The following FAM171B variants were observed in gnomAD, a reference collection of about 807,000 sequenced individuals.
The protein encoded by FAM171B is protein FAM171B.
Under a neutral mutation model 75.6 loss-of-function variants are expected in FAM171B, and 19 were observed. The ratio of observed to expected loss-of-function variants is 0.25; its 90% CI spans 0.18 to 0.37. The LOEUF (loss-of-function observed/expected upper bound fraction) is 0.37. FAM171B is among the 10% of genes least tolerant of loss of function. The pLI is 1.00. For synonymous variants in FAM171B, 367 were observed against 361.7 expected, an observed-to-expected ratio of 1.01 and a Z score of -0.17; for missense variants, 848 against 982.4, an observed-to-expected ratio of 0.86 and a Z score of 1.83.
chr2:186,701,379 C>T (rs374644820), intron 1 of FAM171B, among the ~76,000 whole-genome samples: 66 of 152,284 alleles, frequency 4.3e-4, no homozygotes, highest in African/African-American at 1.4e-3. Flanking sequence ...AACCTACTCT[C>T]ACCAAATTTC....
chr2:186,704,931 T>A (rs958076007), intron 1 of FAM171B, among the ~76,000 whole-genome samples: 3 of 152,186 alleles, frequency 2.0e-5, no homozygotes, highest in African/African-American at 7.2e-5. Context: ...TTTGCCCCCA[T>A]GTATATGTAA....
intron 1 of FAM171B, among the ~76,000 whole-genome samples, chr2:186,737,365 C>CT (rs1228897607): frequency 1.3e-5 from 2 of 151,250 alleles, no homozygotes; most frequent in Non-Finnish European, 3.0e-5. Flanking sequence ...TTTTCTTTCT[C>CT]TTTTTTTAGG....
In FAM171B at chr2:186,764,972, G is replaced by T. The variant is rs1690677881; in HGVS notation, c.*2149G>T. 1 of 151,880 alleles carries T rather than the reference G, an allele frequency of 6.6e-6. No individual in the cohort carries two copies. The highest frequency in any genetic ancestry group is 2.1e-4 in the South Asian group (1 of 4,818). 9.4% of individuals were successfully genotyped at this position (151,880 alleles called of 1,614,324 possible). A position where few individuals can be genotyped will look rare whatever the true frequency, so the allele number is the denominator to read the frequency against. Reference sequence around the variant, plus strand: ...TGCCACTTATTTTATTCATTTTTGTGTAAGGGAAATGAGATGATGTATCCC... The same window carrying T: ...TGCCACTTATTTTATTCATTTTTGTTTAAGGGAAATGAGATGATGTATCCC... On this transcript the variant is annotated 3_prime_UTR_variant, in exon 8 of 8. Transcript: ENST00000304698.
chr2:186,761,282 C>A, intron 7 of FAM171B, 46 bp downstream of exon 7: 2 of 1,604,270 alleles, frequency 1.2e-6, no homozygotes, highest in South Asian at 2.3e-5. Context: ...GTTATGGTAT[C>A]ATTTCAGTAT....
intron 1 of FAM171B, among the ~76,000 whole-genome samples, chr2:186,738,063 G>A (rs1209441046): frequency 6.6e-6 from 1 of 152,236 alleles, no homozygotes; most frequent in Non-Finnish European, 1.5e-5. Context: ...GGTGATCCAT[G>A]TTTAGAGATG....
rs1445952314 is a variant in FAM171B, at chr2:186,696,456, T to TAA, written c.238+2045_238+2046insAA. Among the ~76,000 whole-genome samples the TAA allele has an allele frequency of 2.5e-3, 140 of 57,006 alleles. 1 individual carries two copies. In the South Asian group the frequency reaches 0.047, roughly 19 times the overall value. 37.4% of individuals were successfully genotyped at this position (57,006 alleles called of 152,430 possible). ...GTTCTCCTCACACAGCTAGCGATCTTTAAAAAAAAAAAAAACATTAAATAG... is the reference window on the plus strand; with the variant it reads ...GTTCTCCTCACACAGCTAGCGATCTTAATAAAAAAAAAAAAAACATTAAATAG... On this transcript the variant is annotated intron_variant, in intron 1 of 7. Coordinates refer to ENST00000304698, the MANE Select transcript of FAM171B (RefSeq NM_177454.4).
In FAM171B at chr2:186,762,859, G is replaced by GT. The variant is rs767313210; in HGVS notation, c.*39dup. The stretch of plus-strand genomic sequence containing the variant: ...GATTGTGTGTCTGCTGTCTCGTGCT[G>GT]TTTATTCTTGCTTCTTGTTGTAAAT... On this transcript the variant is annotated 3_prime_UTR_variant, in exon 8 of 8. Coordinates refer to ENST00000304698, the MANE Select transcript of FAM171B (RefSeq NM_177454.4). The surrounding 1 kb of genome is among the most constrained non-coding windows in gnomAD (Gnocchi z 4.0). The GT allele has an allele frequency of 5.8e-6, 9 of 1,561,662 alleles. No individual in the cohort carries two copies.
Position 186,694,198 on chromosome 2 carries a change from C to A in FAM171B, c.25C>A (p.Pro9Thr). 6.2e-7 allele frequency: 1 copy of A among 1,605,648 alleles called. No individual in the cohort carries two copies. Among genetic ancestry groups the A allele is most frequent in the African/African-American group, 1.3e-5 (1 of 75,040 alleles). Residue 9 changes from proline (P) to threonine (T), a missense_variant, in exon 1 of 8, where the codon CCC becomes ACC. Physicochemically the swap from Pro to Thr is conservative, Grantham distance 38. Coordinates refer to ENST00000304698, the MANE Select transcript of FAM171B (RefSeq NM_177454.4). ...CATGGCGAGGCTCTGCCGGCGTGTC[C>A]CCTGCACCCTGCTTCTCGGCCTGGC... is the stretch of plus-strand genomic sequence containing the variant. MARLCRRV[P>T]CTLLLGLAVV... is the part of the protein sequence containing the mutation.
chr2:186,743,510 T>A lies in FAM171B; in HGVS notation c.500T>A (p.Phe167Tyr). ...TATTCATCAGTTACACTTTCACTGT[T>A]CCCGCAAAGCCAAGCAAATATATGG... is the stretch of plus-strand genomic sequence containing the variant. Reference protein sequence around the residue: ...PIYSSVTLSLFPQSQANIWLF... With the variant: ...PIYSSVTLSLYPQSQANIWLF... Residue 167 changes from phenylalanine to tyrosine, a missense_variant, in exon 3 of 8, where the codon TTC (phenylalanine) becomes TAC (tyrosine). Physicochemically the swap from Phe to Tyr is conservative, Grantham distance 22. Transcript: ENST00000304698. 6.2e-7 allele frequency: 1 copy of A among 1,612,712 alleles called. No homozygotes were observed. The highest frequency in any genetic ancestry group is 8.5e-7 in the Non-Finnish European group (1 of 1,178,866).
chr2:186,751,438 T>C (rs1373921298), intron 5 of FAM171B, 134 bp downstream of exon 5: 3 of 682,014 alleles, frequency 4.4e-6, no homozygotes, highest in East Asian at 2.9e-5. Context: ...GTGACCAAAA[T>C]TGACTTCACT....
At chr2:186,709,101 G>T (rs1263344225) in intron 1 of FAM171B, among the ~76,000 whole-genome samples, 2 of 152,020 alleles carry the variant, frequency 1.3e-5, no homozygotes, top group African/African-American at 4.8e-5. Context: ...CCGAGAGAGA[G>T]AGAGTGGGAG....
At chr2:186,759,151 A>AGT (rs1690578697) in intron 6 of FAM171B, among the ~76,000 whole-genome samples, 1 of 152,164 alleles carries the variant, frequency 6.6e-6, no homozygotes. Context: ...ATGGTTGAAT[A>AGT]GTACTCCATT....
chr2:186,763,028 G>A lies in FAM171B; in HGVS notation c.*205G>A, dbSNP rs1690646350. On this transcript the variant is annotated 3_prime_UTR_variant, in exon 8 of 8. Transcript: ENST00000304698. ...GCCTATTCATTTATTTTTGGGTGAT[G>A]AATTTACAGTATCTAAGTTTTCAAA... 1 of 571,138 alleles carries A rather than the reference G, an allele frequency of 1.8e-6. No individual in the cohort carries two copies. The highest frequency in any genetic ancestry group is 1.9e-5 in the African/African-American group (1 of 52,620). 35.4% of individuals were successfully genotyped at this position (571,138 alleles called of 1,614,324 possible).
At chr2:186,696,032 A>G (rs1022003909) in intron 1 of FAM171B, among the ~76,000 whole-genome samples, 3 of 152,128 alleles carry the variant, frequency 2.0e-5, no homozygotes, top group Admixed American at 1.3e-4. Flanking sequence ...GTTATGAACT[A>G]CTGCAATAAT....
chr2:186,762,826 C>A lies in FAM171B; in HGVS notation c.*3C>A, dbSNP rs1273535862. On this transcript the variant is annotated 3_prime_UTR_variant, in exon 8 of 8. Transcript: ENST00000304698. The surrounding 1 kb of genome is among the most constrained non-coding windows in gnomAD (Gnocchi z 4.0). ...GCCCACTGATTCCCATAAATTAACTCCAATGGGGATTGTGTGTCTGCTGTC... is the reference window on the plus strand; with the variant it reads ...GCCCACTGATTCCCATAAATTAACTACAATGGGGATTGTGTGTCTGCTGTC... The A allele has an allele frequency of 1.2e-6, 2 of 1,605,646 alleles. No individual in the cohort carries two copies. Among genetic ancestry groups the A allele is most frequent in the Admixed American group, 1.7e-5 (1 of 59,234 alleles).
chr2:186,755,605 A>G (rs1008050512), intron 6 of FAM171B, among the ~76,000 whole-genome samples: 10 of 152,202 alleles, frequency 6.6e-5, no homozygotes, highest in African/African-American at 9.6e-5. Flanking sequence ...ATCTAACATT[A>G]TTATGACTGT....
chr2:186,697,071 AT>A (rs1393353809), intron 1 of FAM171B, among the ~76,000 whole-genome samples: 8 of 152,176 alleles, frequency 5.3e-5, no homozygotes, highest in Non-Finnish European at 8.8e-5. Flanking sequence ...CTTTCTCAGC[AT>A]TTGTTCGTCT....
intron 1 of FAM171B, among the ~76,000 whole-genome samples, chr2:186,717,041 T>C (rs62173040): frequency 1.9e-3 from 289 of 152,236 alleles, no homozygotes; most frequent in South Asian, 3.5e-3. Context: ...GCCACGATGA[T>C]GTGGGTAGTG....
intron 1 of FAM171B, among the ~76,000 whole-genome samples, chr2:186,735,333 G>A (rs1211386814): frequency 6.6e-6 from 1 of 152,178 alleles, no homozygotes; most frequent in African/African-American, 2.4e-5. Flanking sequence ...TCTGGGTGCT[G>A]CCACTGGAGT....
Sources: allele counts gnomAD v4.1 joint callset (sites outside exome capture counted in the v4.1 genomes callset), GRCh38; gene constraint gnomAD v4.1.1; non-coding constraint Gnocchi (gnomAD v3.1); transcripts MANE v1.5; gene names NCBI Gene and HGNC (gene_info 2026-07-23, HGNC 2026-07-21).